Variants in BNC2 observed in about 807,000 individuals in gnomAD.
BNC2 encodes basonuclin zinc finger protein 2.
A neutral mutation model predicts 76.3 loss-of-function variants in BNC2; 20 were observed. The ratio of observed to expected loss-of-function variants is 0.26; its 90% confidence interval spans 0.18 to 0.38. The LOEUF (loss-of-function observed/expected upper bound fraction) is 0.38, where lower values mean the gene tolerates loss of function less well. Ranked by LOEUF, BNC2 falls within the 10% of genes least tolerant of loss-of-function variation. The pLI is 1.00. For missense variants in BNC2, 1,382 were observed against 1,399.8 expected (o/e 0.99, Z 0.20); for synonymous variants, 582 against 514.8 (o/e 1.13, Z -1.77).
chr9:16,420,548 G>GT (rs1172097603), intron 6 of BNC2, among the ~76,000 whole-genome samples: 1 of 151,944 alleles, frequency 6.6e-6, no homozygotes, highest in Non-Finnish European at 1.5e-5. Flanking sequence ...TTAAAACACA[G>GT]TAAGTACAAA....
At chr9:16,792,264 T>C (rs1817532343) in intron 1 of BNC2, among the ~76,000 whole-genome samples, 1 of 152,046 alleles carries the variant, frequency 6.6e-6, no homozygotes, top group South Asian at 2.1e-4. Flanking sequence ...TACCAAAGCA[T>C]AAAGAAGTCA....
chr9:16,591,251 A>G (rs148317013), intron 3 of BNC2, among the ~76,000 whole-genome samples: 11 of 152,352 alleles, frequency 7.2e-5, no homozygotes, highest in African/African-American at 2.4e-4. Flanking sequence ...TAAGACCAGC[A>G]TGAACTACAA....
chr9:16,584,879 C>T (rs1178729221), intron 3 of BNC2, among the ~76,000 whole-genome samples: 1 of 152,028 alleles, frequency 6.6e-6, no homozygotes. Context: ...TACAAATTAT[C>T]TAATTATAAA....
chr9:16,621,575 G>T (rs763053897), intron 3 of BNC2, among the ~76,000 whole-genome samples: 1 of 152,108 alleles, frequency 6.6e-6, no homozygotes, highest in Non-Finnish European at 1.5e-5. Context: ...GTATATCAAA[G>T]ACACCAGGTC....
At chr9:16,582,140 T>G (rs1819644497) in intron 4 of BNC2, among the ~76,000 whole-genome samples, 1 of 152,136 alleles carries the variant, frequency 6.6e-6, no homozygotes, top group African/African-American at 2.4e-5. Context: ...TACCCGGGGC[T>G]GTCAAAAAAT....
At chr9:16,856,290 C>A (rs1381709296) in intron 1 of BNC2, among the ~76,000 whole-genome samples, 1 of 151,944 alleles carries the variant, frequency 6.6e-6, no homozygotes. Context: ...CACACACACA[C>A]ACACACACAC....
intron 2 of BNC2, among the ~76,000 whole-genome samples, chr9:16,730,021 CCCTCTT>C (rs1824461991): frequency 6.6e-6 from 1 of 151,742 alleles, no homozygotes; most frequent in Non-Finnish European, 1.5e-5. Flanking sequence ...CTCCTTCACT[CCCTCTT>C]CCTCTTTTTC....
At chr9:16,782,153 C>T (rs187066517) in intron 1 of BNC2, among the ~76,000 whole-genome samples, 13 of 151,920 alleles carry the variant, frequency 8.6e-5, no homozygotes, top group African/African-American at 2.7e-4. Flanking sequence ...GACGTGGTGG[C>T]GTGCACCTGT....
intron 3 of BNC2, among the ~76,000 whole-genome samples, chr9:16,584,777 T>G (rs1006934725): frequency 6.6e-6 from 1 of 152,170 alleles, no homozygotes; most frequent in Non-Finnish European, 1.5e-5. Context: ...TTAAATAACA[T>G]GTTCATTAGT....
intron 5 of BNC2, among the ~76,000 whole-genome samples, chr9:16,464,678 T>A (rs1420422156): frequency 6.6e-6 from 1 of 152,202 alleles, no homozygotes; most frequent in Non-Finnish European, 1.5e-5. Context: ...TGCCTCAGCC[T>A]CCATAGTAGC....
chr9:16,791,597 A>G (rs1275116307), intron 1 of BNC2, among the ~76,000 whole-genome samples: 1 of 152,198 alleles, frequency 6.6e-6, no homozygotes, highest in Non-Finnish European at 1.5e-5. Flanking sequence ...ACATCACAGA[A>G]TCACAGCAAC....
chr9:16,434,734 G>A (rs761978651), intron 6 of BNC2: 3 of 428,044 alleles, frequency 7.0e-6, no homozygotes, highest in African/African-American at 2.0e-5. Flanking sequence ...AACTGTTTCA[G>A]AGCTGCAACT....
intron 1 of BNC2, among the ~76,000 whole-genome samples, chr9:16,846,535 A>C (rs956588023): frequency 2.0e-5 from 3 of 152,200 alleles, no homozygotes; most frequent in African/African-American, 4.8e-5. Context: ...TCCCAGTCCT[A>C]AGACTTTAAT....
At chr9:16,631,798 A>G (rs115510177) in intron 3 of BNC2, among the ~76,000 whole-genome samples, 61 of 152,340 alleles carry the variant, frequency 4.0e-4, no homozygotes, top group African/African-American at 1.3e-3. Context: ...TTCCAGAGAA[A>G]CAGAAGAAGG....
chr9:16,619,969 A>G (rs1167875455), intron 3 of BNC2, among the ~76,000 whole-genome samples: 6 of 152,212 alleles, frequency 3.9e-5, no homozygotes, highest in African/African-American at 7.2e-5. Flanking sequence ...TCACAGAAAA[A>G]TAAGTCCAGC....
At chr9:16,608,073 G>A (rs531278317) in intron 3 of BNC2, among the ~76,000 whole-genome samples, 18 of 152,250 alleles carry the variant, frequency 1.2e-4, no homozygotes, top group African/African-American at 2.9e-4. Context: ...TCAAATTTAC[G>A]TCAGGGGAGG....
chr9:16,718,108 A>G (rs934799647), intron 3 of BNC2, among the ~76,000 whole-genome samples: 1 of 152,166 alleles, frequency 6.6e-6, no homozygotes, highest in Non-Finnish European at 1.5e-5. Flanking sequence ...CTTCATTTTC[A>G]TTACTCTAAT....
chr9:16,487,856 A>T (rs1366417550), intron 5 of BNC2, among the ~76,000 whole-genome samples: 1 of 152,244 alleles, frequency 6.6e-6, no homozygotes, highest in Admixed American at 6.5e-5. Context: ...GGTCTTTCCT[A>T]ATGCAGGATC....
intron 5 of BNC2, among the ~76,000 whole-genome samples, chr9:16,530,255 C>A (rs772755571): frequency 6.6e-6 from 1 of 152,042 alleles, no homozygotes; most frequent in African/African-American, 2.4e-5. Flanking sequence ...CTGCCCTTTA[C>A]GAAATTCCTC....
Sources: allele counts gnomAD v4.1 joint callset (sites outside exome capture counted in the v4.1 genomes callset), GRCh38; gene constraint gnomAD v4.1.1; transcripts MANE v1.5; gene names NCBI Gene and HGNC (gene_info 2026-07-23, HGNC 2026-07-21).